The following ZMYND11 variants were observed in gnomAD, a reference collection of about 807,000 sequenced individuals.
ZMYND11 encodes zinc finger MYND-type containing 11.
ZMYND11 carries 9 observed loss-of-function variants against 84.9 expected under a neutral mutation model. The ratio of observed to expected loss-of-function variants is 0.11; its 90% confidence interval spans 0.06 to 0.18. The LOEUF (loss-of-function observed/expected upper bound fraction) is 0.18, where lower values mean the gene tolerates loss of function less well. ZMYND11 is among the 10% of genes least tolerant of loss of function. The pLI is 1.00. For missense variants in ZMYND11, 409 were observed against 761.0 expected (o/e 0.54, Z 5.44); for synonymous variants, 250 against 244.1 (o/e 1.02, Z -0.23).
At chr10:206,894 A>G (rs1400868493) in intron 2 of ZMYND11, among the ~76,000 whole-genome samples, 1 of 152,040 alleles carries the variant, frequency 6.6e-6, no homozygotes, top group Non-Finnish European at 1.5e-5. Context: ...CACAATGTGC[A>G]GGTTTCATAT....
At chr10:145,196 ATG>A (rs529801482) in intron 1 of ZMYND11, among the ~76,000 whole-genome samples, 199 of 149,676 alleles carry the variant, frequency 1.3e-3, no homozygotes, top group African/African-American at 4.4e-3. Context: ...GTATATACAT[ATG>A]TGTGTGTATA....
At chr10:205,123 G>A (rs1943903404) in intron 2 of ZMYND11, among the ~76,000 whole-genome samples, 1 of 151,982 alleles carries the variant, frequency 6.6e-6, no homozygotes, top group South Asian at 2.1e-4. Context: ...GTTTTTCTGG[G>A]GAAGCTCTTC....
chr10:221,694 G>A (rs1947165849), intron 4 of ZMYND11, among the ~76,000 whole-genome samples: 1 of 152,034 alleles, frequency 6.6e-6, no homozygotes, highest in Non-Finnish European at 1.5e-5. Flanking sequence ...GTAATAAACT[G>A]TACAATTTAT....
In ZMYND11 at chr10:150,771, C is replaced by T. The variant is rs563710130; in HGVS notation, c.-20+15212C>T. ...CAGCACGGAGTTTGAGATCTGAGAA[C>T]GGACAGACTGCCTCCTCAAGTGGGT... is the stretch of plus-strand genomic sequence containing the variant. On this transcript the variant is annotated intron_variant, in intron 1 of 14. Transcript: ENST00000381604. Among the ~76,000 whole-genome samples the T allele has an allele frequency of 8.5e-5, 13 of 152,320 alleles. No individual in the cohort carries two copies. In the South Asian group the frequency reaches 1.9e-3, roughly 22 times the overall value.
chr10:194,764 A>G lies in ZMYND11; in HGVS notation c.116+14636A>G, dbSNP rs377088274. 5.6e-4 allele frequency among the ~76,000 whole-genome samples: 86 copies of G among 152,304 alleles called. No individual in the cohort carries two copies. In the South Asian group the frequency reaches 0.016, roughly 28 times the overall value. ...TTTTATGGAGTTAGTTTATTTCAGT[A>G]TTACTGAAGTGTTATAGAGCTCTAT... On this transcript the variant is annotated intron_variant, in intron 2 of 14. Coordinates refer to ENST00000381604, the MANE Select transcript of ZMYND11 (RefSeq NM_001370100.5).
chr10:137,873 C>T (rs1218859677), intron 1 of ZMYND11, among the ~76,000 whole-genome samples: 1 of 152,166 alleles, frequency 6.6e-6, no homozygotes, highest in Non-Finnish European at 1.5e-5. Flanking sequence ...TCTTGCTTGA[C>T]TCTGTTACTT....
chr10:141,691 A>G (rs779503072), intron 1 of ZMYND11, among the ~76,000 whole-genome samples: 1 of 152,192 alleles, frequency 6.6e-6, no homozygotes, highest in Non-Finnish European at 1.5e-5. Context: ...TCAAACATAT[A>G]TTGTGTTCTC....
chr10:188,356 G>T (rs890996406), intron 2 of ZMYND11, among the ~76,000 whole-genome samples: 7 of 151,898 alleles, frequency 4.6e-5, no homozygotes, highest in Admixed American at 3.9e-4. Context: ...GGAGGCTGAG[G>T]CAGGTGGATC....
intron 1 of ZMYND11, among the ~76,000 whole-genome samples, chr10:168,924 C>T (rs1844643988): frequency 6.6e-6 from 1 of 152,112 alleles, no homozygotes; most frequent in Admixed American, 6.6e-5. Context: ...GGGACCCAGT[C>T]ACGGGGGAGG....
chr10:148,648 T>G (rs534230531), intron 1 of ZMYND11: 1 of 152,400 alleles, frequency 6.6e-6, no homozygotes, highest in Admixed American at 6.5e-5. Flanking sequence ...AATTCTTCAC[T>G]GATTCCACAA....
rs142529157 is a variant in ZMYND11 at position 242,910 on chromosome 10, C to T, written c.950+771C>T. 5.5e-3 allele frequency among the ~76,000 whole-genome samples: 843 copies of T among 152,266 alleles called. 5 individuals are homozygous for T. The highest frequency in any genetic ancestry group is 8.5e-3 in the Non-Finnish European group (581 of 68,028). On this transcript the variant is annotated intron_variant, in intron 10 of 14. Coordinates refer to ENST00000381604, the MANE Select transcript of ZMYND11 (RefSeq NM_001370100.5). ...AGTTCTGTTCTTTCATAGGTAGATA[C>T]ACACTTACCTGACACTGTCATGTCA...
intron 1 of ZMYND11, among the ~76,000 whole-genome samples, chr10:172,646 A>G (rs1431167827): frequency 6.6e-6 from 1 of 152,182 alleles, no homozygotes; most frequent in Non-Finnish European, 1.5e-5. Flanking sequence ...ATAGGAAAAC[A>G]ATATTGTCAA....
At chr10:194,285 G>T (rs1177967035) in intron 2 of ZMYND11, among the ~76,000 whole-genome samples, 1 of 151,688 alleles carries the variant, frequency 6.6e-6, no homozygotes, top group African/African-American at 2.4e-5. Context: ...CGAACTCCTG[G>T]GCTCAGGCAG....
chr10:151,533 T>C (rs1490195659), intron 1 of ZMYND11, among the ~76,000 whole-genome samples: 2 of 152,102 alleles, frequency 1.3e-5, no homozygotes, highest in East Asian at 3.9e-4. Flanking sequence ...TAAAAAGAAA[T>C]GAGCAAAGTC....
At chr10:145,631 A>G (rs1554755087) in intron 1 of ZMYND11, among the ~76,000 whole-genome samples, 1 of 152,038 alleles carries the variant, frequency 6.6e-6, no homozygotes, top group Non-Finnish European at 1.5e-5. Flanking sequence ...TTTAATTTGC[A>G]TTTCCCTGAT....
chr10:191,046 T>C (rs1397016716), intron 2 of ZMYND11, among the ~76,000 whole-genome samples: 1 of 152,182 alleles, frequency 6.6e-6, no homozygotes, highest in African/African-American at 2.4e-5. Flanking sequence ...ATTGGAACTT[T>C]AATAATATTC....
chr10:136,947 C>T (rs372375451), intron 1 of ZMYND11, among the ~76,000 whole-genome samples: 1 of 152,100 alleles, frequency 6.6e-6, no homozygotes, highest in East Asian at 1.9e-4. Context: ...TATCTGGTGT[C>T]ATATACAGTG....
In ZMYND11 at chr10:239,451, G is replaced by A; in HGVS notation, c.623G>A (p.Gly208Glu). ...VPTIQEKVNE[G>E]KYRSYEEFKA... ...TGCCCTCTGCAGAAAGTGAATGAAG[G>A]GAAATACCGAAGTTATGAAGAGTTC... Residue 208 changes from glycine (G) to glutamate (E), a missense_variant, in exon 7 of 15, where the codon GGG (glycine) becomes GAG (glutamate). Gly to Glu is a moderately conservative substitution (Grantham distance 98). Transcript: ENST00000381604. 1 of 1,613,272 alleles carries A rather than the reference G, an allele frequency of 6.2e-7. No individual in the cohort carries two copies. The highest frequency in any genetic ancestry group is 1.1e-5 in the South Asian group (1 of 90,824).
intron 3 of ZMYND11, among the ~76,000 whole-genome samples, chr10:213,198 C>T (rs1371507956): frequency 6.6e-6 from 1 of 152,050 alleles, no homozygotes; most frequent in Non-Finnish European, 1.5e-5. Flanking sequence ...TGTATATTTG[C>T]CTATTTATTC....
Sources: gnomAD v4.1 joint callset for allele counts (sites outside exome capture counted in the v4.1 genomes callset) on GRCh38, gnomAD v4.1.1 for gene constraint, MANE v1.5 for transcripts, NCBI Gene and HGNC (gene_info 2026-07-23, HGNC 2026-07-21) for gene names.